DSCAM: variants seen among roughly 807,000 people sequenced by gnomAD.
DSCAM encodes the protein cell adhesion molecule DSCAM.
Under a neutral mutation model 217.7 loss-of-function variants are expected in DSCAM, and 47 were observed. That is an observed-to-expected ratio of 0.22 (90% CI 0.17 to 0.28). DSCAM has a LOEUF of 0.28. DSCAM is among the 10% of genes least tolerant of loss of function. DSCAM has a pLI of 1.00. For synonymous variants in DSCAM, 1,056 were observed against 1,015.3 expected, an observed-to-expected ratio of 1.04 and a Z score of -0.76; for missense variants, 2,080 against 2,618.3, an observed-to-expected ratio of 0.79 and a Z score of 4.49.
intron 10 of DSCAM, among the ~76,000 whole-genome samples, chr21:40,277,577 C>A (rs973823777): frequency 1.3e-5 from 2 of 151,624 alleles, no homozygotes; most frequent in African/African-American, 4.8e-5. Context: ...AGAATCCCCA[C>A]AACAGGTGGT....
At chr21:40,580,707 G>A (rs1009163916) in intron 3 of DSCAM, among the ~76,000 whole-genome samples, 11 of 152,158 alleles carry the variant, frequency 7.2e-5, no homozygotes, top group African/African-American at 1.9e-4. Context: ...CAGGAAAGGC[G>A]GGTGGGCTGG....
chr21:40,762,021 A>G (rs2091340333), intron 1 of DSCAM, among the ~76,000 whole-genome samples: 1 of 152,218 alleles, frequency 6.6e-6, no homozygotes, highest in Admixed American at 6.5e-5. Context: ...AAGAAGTAAA[A>G]TCAACACCCT....
At chr21:40,096,402 G>A (rs73221377) in intron 20 of DSCAM, among the ~76,000 whole-genome samples, 9 of 152,242 alleles carry the variant, frequency 5.9e-5, no homozygotes, top group East Asian at 1.9e-4. Context: ...TCATGGGCAC[G>A]CATCCTCACT....
At chr21:40,379,882 T>G (rs2075002929) in intron 3 of DSCAM, among the ~76,000 whole-genome samples, 1 of 152,222 alleles carries the variant, frequency 6.6e-6, no homozygotes, top group South Asian at 2.1e-4. Context: ...ATTATGTTTA[T>G]GAGAGTATCA....
chr21:40,828,259 T>A (rs1303384000), intron 1 of DSCAM, among the ~76,000 whole-genome samples: 1 of 151,966 alleles, frequency 6.6e-6, no homozygotes, highest in African/African-American at 2.4e-5. Flanking sequence ...TAAATAAAAA[T>A]AAATACAAGG....
intron 2 of DSCAM, among the ~76,000 whole-genome samples, chr21:40,705,691 T>G (rs1214402014): frequency 6.6e-6 from 1 of 152,174 alleles, no homozygotes; most frequent in Non-Finnish European, 1.5e-5. Flanking sequence ...TACCCCATGA[T>G]TCAATGACCT....
chr21:40,305,488 T>C (rs1303212207), intron 9 of DSCAM, among the ~76,000 whole-genome samples: 1 of 152,186 alleles, frequency 6.6e-6, no homozygotes, highest in African/African-American at 2.4e-5. Flanking sequence ...CCATTGCTTT[T>C]GGTGTTTTAG....
intron 32 of DSCAM, among the ~76,000 whole-genome samples, chr21:40,037,085 C>T (rs1833171089): frequency 2.0e-5 from 3 of 150,236 alleles, no homozygotes; most frequent in African/African-American, 7.6e-5. Flanking sequence ...AAACTGGAAG[C>T]ATTCCCTTGA....
intron 1 of DSCAM, among the ~76,000 whole-genome samples, chr21:40,835,400 G>A (rs920343444): frequency 6.6e-6 from 1 of 152,142 alleles, no homozygotes; most frequent in African/African-American, 2.4e-5. Flanking sequence ...CAGAGCTTGT[G>A]ACTTCTTAAT....
At chr21:40,431,002 GAA>G (rs1291456388) in intron 3 of DSCAM, among the ~76,000 whole-genome samples, 2 of 152,206 alleles carry the variant, frequency 1.3e-5, no homozygotes, top group African/African-American at 4.8e-5. Context: ...TCTTACAAAT[GAA>G]AACCAGCAAT....
chr21:40,142,781 T>G (rs2090309055), intron 17 of DSCAM, 77 bp from the exon 18 acceptor site: 4 of 1,502,832 alleles, frequency 2.7e-6, no homozygotes, highest in African/African-American at 1.4e-5. Flanking sequence ...AGCAACGTAT[T>G]TTAATATTTC....
chr21:40,312,017 A>T, intron 9 of DSCAM, 64 bp downstream of exon 9: 2 of 1,442,872 alleles, frequency 1.4e-6, no homozygotes, highest in Non-Finnish European at 1.9e-6. Context: ...TTCAAGCCCC[A>T]TCATCTTAAA....
At chr21:40,711,930 A>C (rs1463153592) in intron 1 of DSCAM, among the ~76,000 whole-genome samples, 1 of 152,206 alleles carries the variant, frequency 6.6e-6, no homozygotes, top group African/African-American at 2.4e-5. Flanking sequence ...CAGGTAACTC[A>C]ACAGGAGACA....
intron 3 of DSCAM, among the ~76,000 whole-genome samples, chr21:40,655,074 G>A (rs1412627141): frequency 6.6e-6 from 1 of 152,120 alleles, no homozygotes; most frequent in Admixed American, 6.5e-5. Context: ...GCCAGAGAAG[G>A]AGAGAGAAAA....
intron 3 of DSCAM, among the ~76,000 whole-genome samples, chr21:40,665,731 C>T (rs1285951409): frequency 6.6e-6 from 1 of 152,210 alleles, no homozygotes; most frequent in East Asian, 1.9e-4. Context: ...CTGGGCACCC[C>T]ATCTGTGCCG....
At chr21:40,794,599 T>A (rs1408796782) in intron 1 of DSCAM, among the ~76,000 whole-genome samples, 2 of 151,474 alleles carry the variant, frequency 1.3e-5, no homozygotes, top group African/African-American at 4.8e-5. Context: ...AACAAGGATC[T>A]CAACCTTCAG....
At chr21:40,224,507 G>C (rs1230690797) in intron 11 of DSCAM, among the ~76,000 whole-genome samples, 1 of 152,188 alleles carries the variant, frequency 6.6e-6, no homozygotes, top group Non-Finnish European at 1.5e-5. Context: ...TAGAGGCAAT[G>C]ACACTGATGG....
At chr21:40,666,707 C>T (rs2090205073) in intron 3 of DSCAM, among the ~76,000 whole-genome samples, 1 of 152,176 alleles carries the variant, frequency 6.6e-6, no homozygotes, top group African/African-American at 2.4e-5. Context: ...CTGCTTTGCC[C>T]CTGCACCTGG....
At chr21:40,067,294 T>C (rs1479492278) in intron 27 of DSCAM, among the ~76,000 whole-genome samples, 1 of 152,222 alleles carries the variant, frequency 6.6e-6, no homozygotes, top group Non-Finnish European at 1.5e-5. Flanking sequence ...AGTTGAACCA[T>C]AGTAAGTCAG....
Sources: allele counts gnomAD v4.1 joint callset (sites outside exome capture counted in the v4.1 genomes callset), GRCh38; gene constraint gnomAD v4.1.1; transcripts MANE v1.5; gene names NCBI Gene and HGNC (gene_info 2026-07-23, HGNC 2026-07-21).